KAT6B: variants seen among roughly 807,000 people sequenced by gnomAD.
KAT6B encodes lysine acetyltransferase 6B, also known as histone acetyltransferase KAT6B.
Under a neutral mutation model 187.5 loss-of-function variants are expected in KAT6B, and 10 were observed. The ratio of observed to expected loss-of-function variants is 0.05; its 90% CI spans 0.03 to 0.09. The LOEUF (loss-of-function observed/expected upper bound fraction) is 0.09, where lower values mean the gene tolerates loss of function less well. Among genes scored for constraint, KAT6B ranks in the 10% least tolerant of loss-of-function variants. The pLI is 1.00. For missense variants in KAT6B, 1,952 were observed against 2,558.9 expected (o/e 0.76, Z 5.12); for synonymous variants, 861 against 926.8 (o/e 0.93, Z 1.29).
chr10:75,021,890 C>G lies in KAT6B; in HGVS notation c.3031C>G (p.Leu1011Val). The change falls in exon 16 of 18, where the codon CTA (leucine) becomes GTA (valine). Residue 1011 changes from leucine (L) to valine (V), a missense_variant. Leu to Val is a conservative substitution (Grantham distance 32, BLOSUM62 1). Around this residue, in one of 9 missense-constraint regions of KAT6B, gnomAD observed 758 missense variants for 891.4 expected, o/e 0.85. Coordinates refer to ENST00000287239, the MANE Select transcript of KAT6B (RefSeq NM_012330.4). The part of the protein sequence containing the change: ...EREAEKEAER[L>V]MEQASCWEKE... ...TACCCTCCCCACTTAGGCTGAGCGG[C>G]TAATGGAACAAGCTAGCTGCTGGGA... 4 of 1,614,194 alleles carry G rather than the reference C, an allele frequency of 2.5e-6. No individual in the cohort carries two copies. Among genetic ancestry groups the G allele is most frequent in the Non-Finnish European group, 3.4e-6 (4 of 1,180,036 alleles).
chr10:75,027,038 C>CTGAG (rs747939549), intron 17 of KAT6B, among the ~76,000 whole-genome samples: 11 of 152,128 alleles, frequency 7.2e-5, no homozygotes, highest in Non-Finnish European at 1.6e-4. Context: ...ACTTGGGAGG[C>CTGAG]TGAGGCAGGA....
At chr10:74,914,891 A>G (rs1302508899) in intron 3 of KAT6B, among the ~76,000 whole-genome samples, 1 of 152,148 alleles carries the variant, frequency 6.6e-6, no homozygotes, top group East Asian at 1.9e-4. Context: ...CAGGAGTTTG[A>G]GACCAGTCTG....
At chr10:74,869,504 T>G (rs558043257) in intron 3 of KAT6B, among the ~76,000 whole-genome samples, 40 of 152,312 alleles carry the variant, frequency 2.6e-4, no homozygotes, top group African/African-American at 9.1e-4. Context: ...CAGGCTGGTC[T>G]CGAACTCCTG....
chr10:74,971,132 T>C (rs1841824808), intron 6 of KAT6B, among the ~76,000 whole-genome samples: 1 of 152,238 alleles, frequency 6.6e-6, no homozygotes, highest in Admixed American at 6.5e-5. Flanking sequence ...AGGTCCTTCC[T>C]GGAGGTATTT....
chr10:74,955,227 T>C (rs902437373), intron 3 of KAT6B, among the ~76,000 whole-genome samples: 8 of 152,186 alleles, frequency 5.3e-5, no homozygotes, highest in African/African-American at 9.6e-5. Flanking sequence ...AAAAAACATA[T>C]ATGTTCAGTA....
chr10:75,004,391 G>A (rs1844062789), intron 13 of KAT6B, among the ~76,000 whole-genome samples: 1 of 152,222 alleles, frequency 6.6e-6, no homozygotes, highest in East Asian at 1.9e-4. Flanking sequence ...GATGCATCCA[G>A]CTAGCTTTTG....
chr10:75,021,062 T>TA, intron 14 of KAT6B, 64 bp from the exon 15 acceptor site: 1 of 1,475,688 alleles, frequency 6.8e-7, no homozygotes, highest in Non-Finnish European at 9.5e-7. Context: ...CATATGTCCG[T>TA]ATGTGAAGCT....
In KAT6B at chr10:75,029,175, G is replaced by C. The variant is rs370857573; in HGVS notation, c.4351G>C (p.Glu1451Gln). 1.2e-6 allele frequency: 2 copies of C among 1,614,030 alleles called. No individual in the cohort carries two copies. The highest frequency in any genetic ancestry group is 1.7e-6 in the Non-Finnish European group (2 of 1,180,042). ...AGAGCTGCCCAGAGAAAGCTTCAAA[G>C]AAGTACTGGAAAACCAGGAGACTTT... ...KEELPRESFK[E>Q]VLENQETFLD... The change falls in exon 18 of 18, where the codon GAA (glutamate) becomes CAA (glutamine). Residue 1451 changes from glutamate to glutamine, a missense_variant. Physicochemically the swap from Glu to Gln is conservative, Grantham distance 29. This residue lies in a region of KAT6B where 758 missense variants were observed against 891.4 expected (regional missense o/e 0.85). Coordinates refer to ENST00000287239, the MANE Select transcript of KAT6B (RefSeq NM_012330.4). The surrounding 1 kb of genome is among the most constrained non-coding windows in gnomAD (Gnocchi z 6.2).
chr10:74,881,605 G>A (rs745594343), intron 3 of KAT6B, among the ~76,000 whole-genome samples: 6 of 152,112 alleles, frequency 3.9e-5, no homozygotes, highest in African/African-American at 1.2e-4. Flanking sequence ...CAGAATTTTC[G>A]TGTTAAACCC....
rs190297307 is a variant in KAT6B, at chr10:74,964,593, A to G, written c.730+4515A>G. 2.5e-4 allele frequency among the ~76,000 whole-genome samples: 38 copies of G among 152,278 alleles called. No individual in the cohort carries two copies. In the East Asian group the frequency reaches 5.6e-3, roughly 22 times the overall value. On this transcript the variant is annotated intron_variant, in intron 4 of 17. Transcript: ENST00000287239. ...ACTGAGCTTCTGACCCTAGATACAA[A>G]TAACTATAGAGCTTTTCCAACGAGT...
At position 74,975,556 on chromosome 10, in the gene KAT6B, C is replaced by G; in HGVS notation, c.1219C>G (p.Pro407Ala). ...ATTGGCTGTTACAGACCCCACTCGG[C>G]CTGGTGCCACCACCAAAATCACCAC... ...SRLAVTDPTR[P>A]GATTKITTTS... Residue 407 changes from proline (P) to alanine (A), a missense_variant, in exon 8 of 18, where the codon CCT becomes GCT. By Grantham distance (27) the Pro-to-Ala change is conservative. Around this residue, in one of 9 missense-constraint regions of KAT6B, gnomAD observed 417 missense variants for 508.9 expected, o/e 0.82. Transcript: ENST00000287239. The G allele has an allele frequency of 6.2e-7, 1 of 1,614,010 alleles. No individual in the cohort carries two copies. Among genetic ancestry groups the G allele is most frequent in the South Asian group, 1.1e-5 (1 of 91,074 alleles).
intron 1 of KAT6B, among the ~76,000 whole-genome samples, chr10:74,834,674 A>G (rs1267340703): frequency 2.6e-5 from 4 of 152,076 alleles, no homozygotes; most frequent in African/African-American, 9.7e-5. Flanking sequence ...GGTGTACACC[A>G]CCACAGCCAC....
At chr10:74,990,432 G>A (rs545783712) in intron 13 of KAT6B, among the ~76,000 whole-genome samples, 5 of 152,022 alleles carry the variant, frequency 3.3e-5, no homozygotes, top group African/African-American at 1.2e-4. Flanking sequence ...AAAGATTAAG[G>A]TCTGATTAAA....
chr10:75,027,455 C>T (rs1264514361), intron 17 of KAT6B, among the ~76,000 whole-genome samples: 1 of 152,008 alleles, frequency 6.6e-6, no homozygotes, highest in African/African-American at 2.4e-5. Context: ...TTTTATTCTC[C>T]AAAATAGAGT....
intron 3 of KAT6B, among the ~76,000 whole-genome samples, chr10:74,951,008 A>G (rs1015096966): frequency 3.9e-5 from 6 of 152,132 alleles, no homozygotes; most frequent in African/African-American, 1.4e-4. Context: ...AATTGAATAG[A>G]TTGAAATGAA....
At chr10:74,878,062 G>C (rs1012006389) in intron 3 of KAT6B, among the ~76,000 whole-genome samples, 1 of 152,212 alleles carries the variant, frequency 6.6e-6, no homozygotes, top group Non-Finnish European at 1.5e-5. Context: ...CCCACAGAAA[G>C]GGATGGCATT....
rs183969721 is a variant in KAT6B at position 74,913,768 on chromosome 10, G to A, written c.622-46202G>A. 2.1e-3 allele frequency among the ~76,000 whole-genome samples: 326 copies of A among 152,316 alleles called. 1 individual carries two copies. Among genetic ancestry groups the A allele is most frequent in the African/African-American group, 7.5e-3 (310 of 41,572 alleles). On this transcript the variant is annotated intron_variant, in intron 3 of 17. Transcript: ENST00000287239. ...AGCTTCTGGAGGCCAGGAGTAAACCGCCCTGCAGGGGAGCCATCTCCCAGG... is the reference window on the plus strand; with the variant it reads ...AGCTTCTGGAGGCCAGGAGTAAACCACCCTGCAGGGGAGCCATCTCCCAGG...
At chr10:74,977,778 AAAG>A (rs1028667680) in intron 9 of KAT6B, among the ~76,000 whole-genome samples, 13 of 152,262 alleles carry the variant, frequency 8.5e-5, no homozygotes, top group African/African-American at 2.7e-4. Flanking sequence ...TCATTAACAA[AAAG>A]AAGAACATCA....
chr10:74,859,408 C>A (rs960336511), intron 3 of KAT6B, among the ~76,000 whole-genome samples: 5 of 152,030 alleles, frequency 3.3e-5, no homozygotes, highest in East Asian at 3.9e-4. Flanking sequence ...TAAATTAGAA[C>A]CCTCAATCAG....
Sources: gnomAD v4.1 joint callset for allele counts (sites outside exome capture counted in the v4.1 genomes callset) on GRCh38, gnomAD v4.1.1 for gene constraint, gnomAD v4.1.1 regional missense constraint, Gnocchi (gnomAD v3.1) non-coding constraint, MANE v1.5 for transcripts, NCBI Gene and HGNC (gene_info 2026-07-23, HGNC 2026-07-21) for gene names.